Variants in CCDC74A observed in about 807,000 individuals in gnomAD.
CCDC74A encodes the protein coiled-coil domain containing 74A, also known as coiled-coil domain-containing protein 74A.
In CCDC74A, 38 loss-of-function variants were observed where a neutral mutation model predicts 37.6. The observed-to-expected ratio is 1.01, with a 90% CI of 0.78 to 1.33. The LOEUF is 1.33. Among genes scored for constraint, CCDC74A ranks in the 40% most tolerant of loss-of-function variants. The pLI, the probability that CCDC74A is intolerant of heterozygous loss-of-function variation, is 0.00. For missense variants in CCDC74A, 340 were observed against 403.4 expected, an observed-to-expected ratio of 0.84 and a Z score of 1.35; for synonymous variants, 134 against 165.2, an observed-to-expected ratio of 0.81 and a Z score of 1.45.
chr2:131,530,933 C>T, intron 3 of CCDC74A, 106 bp downstream of exon 3: 1 of 1,524,656 alleles, frequency 6.6e-7, no homozygotes, highest in Admixed American at 2.1e-5. Flanking sequence ...CTGGGCCAAG[C>T]TCCAGGATTT....
chr2:131,528,562 G>A, intron 1 of CCDC74A: 1 of 1,115,462 alleles, frequency 9.0e-7, no homozygotes, highest in East Asian at 2.6e-5. Flanking sequence ...TGTAATTCCA[G>A]CACTTTGGGA....
At chr2:131,530,325 G>A (rs1392916139) in intron 2 of CCDC74A, 3 of 1,543,516 alleles carry the variant, frequency 1.9e-6, no homozygotes, top group African/African-American at 1.4e-5. Context: ...CTGGTGGATG[G>A]AGCCAGCCTG....
upstream of CCDC74A, among the ~76,000 whole-genome samples, chr2:131,523,169 T>C (rs1240753214): frequency 6.6e-6 from 1 of 152,180 alleles, no homozygotes. Context: ...CATCCTGAAG[T>C]GCTAGGGTTA....
Position 131,532,738 on chromosome 2 carries a change from T to C in CCDC74A, c.635T>C (p.Leu212Pro). 5 of 1,613,626 alleles carry C rather than the reference T, an allele frequency of 3.1e-6. No homozygotes were observed. The South Asian group carries it at 3.3e-5, about 11-fold the overall frequency. The change falls in exon 5 of 8, where the codon CTC (leucine) becomes CCC (proline). Residue 212 changes from leucine to proline, a missense_variant. Leu to Pro is a moderately conservative substitution (Grantham distance 98). Transcript: ENST00000409856. Reference protein sequence around the residue: ...KPTTLRQCEVLIRELWNTNLL... With the variant: ...KPTTLRQCEVPIRELWNTNLL... ...ACCACACTTAGGCAGTGCGAAGTGC[T>C]CATCCGCGAGCTGTGGAATACCAAC...
chr2:131,533,541 C>T lies in CCDC74A; in HGVS notation c.*143C>T. 8.6e-7 allele frequency: 1 copy of T among 1,166,322 alleles called. No individual in the cohort carries two copies. Among genetic ancestry groups the T allele is most frequent in the Non-Finnish European group, 1.2e-6 (1 of 841,582 alleles). The allele number at this position is 1,166,322 out of a possible 1,614,324, so 72.2% of individuals were successfully genotyped here. A position where few individuals can be genotyped will look rare whatever the true frequency, so the allele number is the denominator to read the frequency against. On this transcript the variant is annotated 3_prime_UTR_variant, in exon 8 of 8. Coordinates refer to ENST00000409856, the MANE Select transcript of CCDC74A (RefSeq NM_001258306.3). ...ACTCAAGATAGATAAAGTACTTGATCTCCAAACTGACAAACTGTTTATTTT... is the reference window on the plus strand; with the variant it reads ...ACTCAAGATAGATAAAGTACTTGATTTCCAAACTGACAAACTGTTTATTTT...
At position 131,532,531 on chromosome 2, in the gene CCDC74A, G is replaced by A. The variant is rs528788274; in HGVS notation, c.486-58G>A. ...GGCGCTGCCTGGGGAGGTATGCTGGGTGGGTGGTTAGACGCACCTGGGCAG... is the reference window on the plus strand; with the variant it reads ...GGCGCTGCCTGGGGAGGTATGCTGGATGGGTGGTTAGACGCACCTGGGCAG... On this transcript the variant is annotated intron_variant, in intron 4 of 7. Coordinates refer to ENST00000409856, the MANE Select transcript of CCDC74A (RefSeq NM_001258306.3). 1.9e-4 allele frequency: 279 copies of A among 1,504,054 alleles called. 1 individual carries two copies. In the East Asian group the frequency reaches 3.4e-3, roughly 18 times the overall value. 93.2% of individuals were successfully genotyped at this position (1,504,054 alleles called of 1,614,324 possible). A position where few individuals can be genotyped will look rare whatever the true frequency, so the allele number is the denominator to read the frequency against.
chr2:131,524,067 C>G (rs1298987348), upstream of CCDC74A, among the ~76,000 whole-genome samples: 1 of 152,220 alleles, frequency 6.6e-6, no homozygotes, highest in Non-Finnish European at 1.5e-5. Context: ...CACTCCTGCT[C>G]TGAAACTTGC....
In CCDC74A at chr2:131,533,000, T is replaced by C. The variant is rs1414385689; in HGVS notation, c.753-13T>C. 1.9e-6 allele frequency: 3 copies of C among 1,613,840 alleles called. No homozygotes were observed. In the African/African-American group the frequency reaches 4.0e-5, roughly 22 times the overall value. ...CCTATCCACAGCTCACTGCTGACTC[T>C]TCCTTCACCCAGGGACCAAGAAGCC... On this transcript the variant is annotated splice_polypyrimidine_tract_variant and intron_variant, in intron 6 of 7. Transcript: ENST00000409856.
upstream of CCDC74A, among the ~76,000 whole-genome samples, chr2:131,525,811 C>T (rs1484764423): frequency 3.3e-5 from 5 of 149,620 alleles, no homozygotes; most frequent in African/African-American, 5.0e-5. Context: ...CTCCGCCTCC[C>T]GGGTTCACGC....
chr2:131,528,088 C>A lies in CCDC74A; in HGVS notation c.118C>A (p.Gln40Lys), dbSNP rs1680480984. ...GVQSLRPQSP[Q>K]LRQSDPQKRN... Reference sequence around the variant, plus strand: ...CCAGTCCTTGAGGCCGCAGAGCCCGCAGCTCAGGCAGAGCGACCCGCAGAA... The same window carrying A: ...CCAGTCCTTGAGGCCGCAGAGCCCGAAGCTCAGGCAGAGCGACCCGCAGAA... Residue 40 changes from glutamine to lysine, a missense_variant, in exon 1 of 8, where the codon CAG (glutamine) becomes AAG (lysine). Transcript: ENST00000409856. The A allele has an allele frequency of 6.2e-7, 1 of 1,612,804 alleles. No individual in the cohort carries two copies. The highest frequency in any genetic ancestry group is 8.5e-7 in the Non-Finnish European group (1 of 1,179,650).
In CCDC74A at chr2:131,528,220, G is replaced by C. The variant is rs1182907734; in HGVS notation, c.250G>C (p.Asp84His). ...CGAGCATCTGAAGCGGGAAAACAAG[G>C]GTGAGCCGGCGCGGGGCCCTAGGCC... ...EIEHLKRENK[D>H]LHYKLIMNQT... Residue 84 changes from aspartate (D) to histidine (H), a missense_variant and splice_region_variant, in exon 1 of 8, where the codon GAT (aspartate) becomes CAT (histidine). Asp to His is a moderately conservative substitution (Grantham distance 81). Around this residue, in one of 3 missense-constraint regions of CCDC74A, gnomAD observed 154 missense variants for 153.9 expected, o/e 1.00. Transcript: ENST00000409856. 1.2e-6 allele frequency: 2 copies of C among 1,611,976 alleles called. No homozygotes were observed. The highest frequency in any genetic ancestry group is 1.7e-6 in the Non-Finnish European group (2 of 1,179,284).
In CCDC74A at chr2:131,528,064, C is replaced by T; in HGVS notation, c.94C>T (p.Gln32Ter). 6.3e-7 allele frequency: 1 copy of T among 1,582,158 alleles called. No individual in the cohort carries two copies. The highest frequency in any genetic ancestry group is 1.2e-5 in the South Asian group (1 of 85,344). ...RRRQRPSVGVQSLRPQSPQLR... is the reference protein window; with the variant it reads ...RRRQRPSVGV ...GCGCCAGCGCCCCTCTGTGGGCGTC[C>T]AGTCCTTGAGGCCGCAGAGCCCGCA... Residue 32 changes from glutamine to a stop codon, truncating the protein, a stop_gained, in exon 1 of 8, where the codon CAG (glutamine) becomes TAG (stop). Transcript: ENST00000409856. LOFTEE classifies it high-confidence loss of function.
In CCDC74A at chr2:131,528,267, C is replaced by A. The variant is rs563813535; in HGVS notation, c.250+47C>A. 25 of 1,600,888 alleles carry A rather than the reference C, an allele frequency of 1.6e-5. No individual in the cohort carries two copies. The African/African-American group carries it at 3.3e-4, about 21-fold the overall frequency. Reference sequence around the variant, plus strand: ...GGCCGGCCCTGCCTCCCCAGGCACACTCAACACTGCCGCTCCCGCAGCACA... The same window carrying A: ...GGCCGGCCCTGCCTCCCCAGGCACAATCAACACTGCCGCTCCCGCAGCACA... On this transcript the variant is annotated intron_variant, in intron 1 of 7. Transcript: ENST00000409856.
chr2:131,523,414 C>T (rs375933986), upstream of CCDC74A, among the ~76,000 whole-genome samples: 7 of 152,072 alleles, frequency 4.6e-5, no homozygotes, highest in African/African-American at 7.2e-5. Flanking sequence ...GATCACCTGA[C>T]GTCAGGAGTT....
chr2:131,532,658 G>T lies in CCDC74A; in HGVS notation c.555G>T (p.Gln185His), dbSNP rs1421985517. ...GGAACAGCCAGCACCAGGGCAGGCA[G>T]ATGGGGGCGGGGGCACACCCCCCAA... ...CMGNSQHQGR[Q>H]MGAGAHPPMI... The change falls in exon 5 of 8, where the codon CAG (glutamine) becomes CAT (histidine). Residue 185 changes from glutamine (Q) to histidine (H), a missense_variant. Transcript: ENST00000409856. 6.2e-7 allele frequency: 1 copy of T among 1,612,684 alleles called. No homozygotes were observed. Among genetic ancestry groups the T allele is most frequent in the African/African-American group, 1.3e-5 (1 of 75,066 alleles).
chr2:131,526,146 C>CTTTTTTTTTTTTTTTTTCCT (rs369118247), upstream of CCDC74A, among the ~76,000 whole-genome samples: 2 of 126,592 alleles, frequency 1.6e-5, no homozygotes, highest in African/African-American at 5.8e-5. Flanking sequence ...CTTTTTTTTC[C>CTTTTTTTTTTTTTTTTTCCT]TTTTTTTTTT....
chr2:131,530,859 G>A (rs1681162827), intron 3 of CCDC74A, 32 bp downstream of exon 3: 3 of 1,604,600 alleles, frequency 1.9e-6, no homozygotes, highest in Non-Finnish European at 2.6e-6. Context: ...TGCTCACAGG[G>A]GTGAGTGCCC....
chr2:131,533,553 A>C lies in CCDC74A; in HGVS notation c.*155A>C. ...TAAAGTACTTGATCTCCAAACTGAC[A>C]AACTGTTTATTTTCTAGCTGTTATT... On this transcript the variant is annotated 3_prime_UTR_variant, in exon 8 of 8. Coordinates refer to ENST00000409856, the MANE Select transcript of CCDC74A (RefSeq NM_001258306.3). The C allele has an allele frequency of 9.4e-7, 1 of 1,059,870 alleles. No homozygotes were observed. The highest frequency in any genetic ancestry group is 2.9e-5 in the Admixed American group (1 of 34,512). The allele number at this position is 1,059,870 out of a possible 1,614,324, so 65.7% of individuals were successfully genotyped here.
the CCDC74A span, among the ~76,000 whole-genome samples, chr2:131,522,609 G>C: frequency 6.6e-6 from 1 of 152,152 alleles, no homozygotes; most frequent in Non-Finnish European, 1.5e-5. Flanking sequence ...GCAGCTTCAG[G>C]CTGTCCTGAC....
Sources: allele counts gnomAD v4.1 joint callset (sites outside exome capture counted in the v4.1 genomes callset), GRCh38; gene constraint gnomAD v4.1.1; regional missense constraint gnomAD v4.1.1; transcripts MANE v1.5; gene names NCBI Gene and HGNC (gene_info 2026-07-23, HGNC 2026-07-21).